Variants in RYR3 observed in about 807,000 individuals in gnomAD.
RYR3 encodes the protein ryanodine receptor 3.
RYR3 carries 207 observed loss-of-function variants against 584.3 expected under a neutral mutation model. The observed-to-expected ratio is 0.35, with a 90% CI of 0.32 to 0.40. RYR3 has a LOEUF of 0.40. Among genes scored for constraint, RYR3 ranks in the 10% least tolerant of loss-of-function variants. The pLI is 1.00. For synonymous variants in RYR3, 2,416 were observed against 2,248.5 expected, an observed-to-expected ratio of 1.07 and a Z score of -2.11; for missense variants, 5,616 against 6,089.2, an observed-to-expected ratio of 0.92 and a Z score of 2.59.
chr15:33,763,477 AAAG>A (rs2072691988), intron 60 of RYR3, among the ~76,000 whole-genome samples: 1 of 152,210 alleles, frequency 6.6e-6, no homozygotes, highest in South Asian at 2.1e-4. Context: ...ACACTTTTCA[AAAG>A]AAGACATTTA....
intron 1 of RYR3, among the ~76,000 whole-genome samples, chr15:33,314,784 G>A (rs1013212644): frequency 7.2e-5 from 11 of 152,084 alleles, no homozygotes; most frequent in African/African-American, 2.7e-4. Flanking sequence ...CGTGGTGGTG[G>A]GTGCCTGTAG....
intron 1 of RYR3, among the ~76,000 whole-genome samples, chr15:33,391,487 A>G (rs997124130): frequency 2.6e-5 from 4 of 151,966 alleles, no homozygotes; most frequent in African/African-American, 7.2e-5. Context: ...TTAGCCGGGC[A>G]TGGTGGCCGG....
chr15:33,746,839 C>T (rs1416652179), intron 53 of RYR3, among the ~76,000 whole-genome samples: 5 of 142,064 alleles, frequency 3.5e-5, no homozygotes, highest in African/African-American at 1.0e-4. Flanking sequence ...GGCAGGGTCT[C>T]GTTCTGTCAC....
chr15:33,511,859 A>G (rs1311198146), intron 3 of RYR3, among the ~76,000 whole-genome samples: 3 of 152,242 alleles, frequency 2.0e-5, no homozygotes, highest in Non-Finnish European at 2.9e-5. Flanking sequence ...GCTCACTGCA[A>G]GCTCCACCTC....
chr15:33,628,690 A>G lies in RYR3; in HGVS notation c.2679+115A>G, dbSNP rs577547449. ...CATTCACTAGTTAGGAACACTGAGG[A>G]GACCAGGTCTTCACAGACAGAACCA... On this transcript the variant is annotated intron_variant, in intron 21 of 103. Coordinates refer to ENST00000634891, the MANE Select transcript of RYR3 (RefSeq NM_001036.6). 38 of 663,460 alleles carry G rather than the reference A, an allele frequency of 5.7e-5. No individual in the cohort carries two copies. In the African/African-American group the frequency reaches 6.3e-4, roughly 11 times the overall value. 41.1% of individuals were successfully genotyped at this position (663,460 alleles called of 1,614,324 possible). A position where few individuals can be genotyped will look rare whatever the true frequency, so the allele number is the denominator to read the frequency against.
At chr15:33,762,868 T>C (rs1272218889) in intron 60 of RYR3, among the ~76,000 whole-genome samples, 1 of 152,214 alleles carries the variant, frequency 6.6e-6, no homozygotes, top group African/African-American at 2.4e-5. Flanking sequence ...CTTCACACTA[T>C]GCTACAAGGC....
intron 1 of RYR3, among the ~76,000 whole-genome samples, chr15:33,418,344 T>C (rs1488944172): frequency 6.6e-6 from 1 of 151,776 alleles, no homozygotes; most frequent in Non-Finnish European, 1.5e-5. Flanking sequence ...TTTTTTTTAT[T>C]ATTATTGATT....
chr15:33,353,464 G>A (rs774901701), intron 1 of RYR3, among the ~76,000 whole-genome samples: 3 of 152,160 alleles, frequency 2.0e-5, no homozygotes, highest in African/African-American at 4.8e-5. Flanking sequence ...CATCAGATTT[G>A]AAGCTTATTT....
intron 67 of RYR3, among the ~76,000 whole-genome samples, chr15:33,790,614 C>T (rs1483059249): frequency 3.9e-5 from 6 of 152,020 alleles, no homozygotes; most frequent in Non-Finnish European, 2.9e-5. Flanking sequence ...AATTTAGTTG[C>T]CTATTCAATA....
chr15:33,696,196 C>T lies in RYR3; in HGVS notation c.5861-22C>T, dbSNP rs751523803. On this transcript the variant is annotated intron_variant, in intron 38 of 103. Coordinates refer to ENST00000634891, the MANE Select transcript of RYR3 (RefSeq NM_001036.6). ...CTGAGCCATGACAGCCACAGTCCTG[C>T]TCCCTCCTGTTGTCCTTCCAGCAAC... 2.5e-6 allele frequency: 4 copies of T among 1,607,344 alleles called. No homozygotes were observed. The South Asian group carries it at 4.4e-5, about 18-fold the overall frequency.
At chr15:33,427,812 G>C (rs1416379693) in intron 1 of RYR3, among the ~76,000 whole-genome samples, 1 of 152,352 alleles carries the variant, frequency 6.6e-6, no homozygotes, top group Admixed American at 6.5e-5. Context: ...CACTAAAGGA[G>C]CCTCATGGCT....
At chr15:33,485,304 TA>T (rs1313514643) in intron 2 of RYR3, among the ~76,000 whole-genome samples, 1 of 151,856 alleles carries the variant, frequency 6.6e-6, no homozygotes, top group Non-Finnish European at 1.5e-5. Context: ...AGTAAGAAAA[TA>T]AAGACAACCA....
At chr15:33,471,463 C>G (rs1182786025) in intron 1 of RYR3, among the ~76,000 whole-genome samples, 2 of 152,004 alleles carry the variant, frequency 1.3e-5, no homozygotes, top group Non-Finnish European at 2.9e-5. Flanking sequence ...GACCCCAAGG[C>G]AGCTACTGCA....
intron 1 of RYR3, among the ~76,000 whole-genome samples, chr15:33,382,240 T>C (rs745709183): frequency 1.3e-5 from 2 of 151,922 alleles, no homozygotes; most frequent in Non-Finnish European, 2.9e-5. Flanking sequence ...GTCTGCTGAA[T>C]TTAGGTATTA....
intron 67 of RYR3, among the ~76,000 whole-genome samples, chr15:33,793,975 TATAA>T (rs1051036963): frequency 2.8e-4 from 24 of 85,430 alleles, no homozygotes; most frequent in African/African-American, 5.8e-4. Flanking sequence ...TAAATGTATA[TATAA>T]ATAAATATAT....
intron 66 of RYR3, 23 bp downstream of exon 66, chr15:33,786,005 T>C (rs1437077278): frequency 6.6e-7 from 1 of 1,506,400 alleles, no homozygotes; most frequent in Admixed American, 2.2e-5. Flanking sequence ...TTCTCCCCAG[T>C]CCCCAGCCCA....
rs547628576 is a variant in RYR3, at chr15:33,311,723, G to A, written c.51+627G>A. On this transcript the variant is annotated intron_variant, in intron 1 of 103. Coordinates refer to ENST00000634891, the MANE Select transcript of RYR3 (RefSeq NM_001036.6). This position sits in a 1 kb window ranked among gnomAD's most constrained non-coding sequence, Gnocchi z 4.4. ...AGCCTGACTTGACTGACTGCCTGTCGTGTGTTCGAGAGCTGTGGCTTCTGC... is the reference window on the plus strand; with the variant it reads ...AGCCTGACTTGACTGACTGCCTGTCATGTGTTCGAGAGCTGTGGCTTCTGC... Among the ~76,000 whole-genome samples, 2 of 152,234 alleles carry A rather than the reference G, an allele frequency of 1.3e-5. No individual in the cohort carries two copies. The highest frequency in any genetic ancestry group is 2.4e-5 in the African/African-American group (1 of 41,456).
chr15:33,526,264 G>A (rs1368103510), intron 3 of RYR3, among the ~76,000 whole-genome samples: 4 of 152,200 alleles, frequency 2.6e-5, no homozygotes, highest in Non-Finnish European at 4.4e-5. Context: ...TTACGGGCAC[G>A]AGGATTGAGT....
At chr15:33,516,073 T>C (rs547873587) in intron 3 of RYR3, among the ~76,000 whole-genome samples, 1 of 152,216 alleles carries the variant, frequency 6.6e-6, no homozygotes, top group Non-Finnish European at 1.5e-5. Context: ...TTTATTATGA[T>C]ATTTGTATTA....
Sources: gnomAD v4.1 joint callset for allele counts (sites outside exome capture counted in the v4.1 genomes callset) on GRCh38, gnomAD v4.1.1 for gene constraint, Gnocchi (gnomAD v3.1) non-coding constraint, MANE v1.5 for transcripts, NCBI Gene and HGNC (gene_info 2026-07-23, HGNC 2026-07-21) for gene names.